LRRC4C: variants seen among roughly 807,000 people sequenced by gnomAD.
LRRC4C encodes the protein leucine-rich repeat-containing protein 4C.
LRRC4C carries 5 observed loss-of-function variants against 33.6 expected under a neutral mutation model. The ratio of observed to expected loss-of-function variants is 0.15; its 90% CI spans 0.08 to 0.31. The LOEUF (loss-of-function observed/expected upper bound fraction) is 0.31, where lower values mean the gene tolerates loss of function less well. Ranked by LOEUF, LRRC4C falls within the 10% of genes least tolerant of loss-of-function variation. LRRC4C has a pLI of 1.00. For missense variants in LRRC4C, 560 were observed against 796.7 expected (o/e 0.70, Z 3.58); for synonymous variants, 329 against 302.0 (o/e 1.09, Z -0.93).
chr11:40,427,474 T>C (rs1223843322), intron 3 of LRRC4C, among the ~76,000 whole-genome samples: 3 of 152,014 alleles, frequency 2.0e-5, no homozygotes, highest in Non-Finnish European at 4.4e-5. Flanking sequence ...ACCATTGCAC[T>C]CTGGCCTGGG....
At chr11:41,214,575 CAAAA>C (rs547167050) in intron 1 of LRRC4C, among the ~76,000 whole-genome samples, 1 of 34,770 alleles carries the variant, frequency 2.9e-5, no homozygotes, top group African/African-American at 1.2e-4. Flanking sequence ...ACTAAAAATA[CAAAA>C]AAAAAAAAAA....
intron 1 of LRRC4C, among the ~76,000 whole-genome samples, chr11:41,449,529 G>A (rs956042225): frequency 6.6e-6 from 1 of 152,056 alleles, no homozygotes; most frequent in African/African-American, 2.4e-5. Context: ...TGTGAGGGGT[G>A]AGTAAAATAG....
At chr11:41,007,793 C>G (rs915943240) in intron 1 of LRRC4C, among the ~76,000 whole-genome samples, 3 of 152,196 alleles carry the variant, frequency 2.0e-5, no homozygotes, top group Admixed American at 2.0e-4. Flanking sequence ...ATTTAGACAT[C>G]TAGTCATAAT....
chr11:41,352,676 T>C (rs567228784), intron 1 of LRRC4C, among the ~76,000 whole-genome samples: 3 of 152,238 alleles, frequency 2.0e-5, no homozygotes, highest in Admixed American at 1.3e-4. Context: ...ATCATACTCT[T>C]GGAAGACAGC....
chr11:41,418,683 C>G (rs1954774196), intron 1 of LRRC4C, among the ~76,000 whole-genome samples: 1 of 151,960 alleles, frequency 6.6e-6, no homozygotes, highest in Non-Finnish European at 1.5e-5. Flanking sequence ...AGCTCTGACA[C>G]AAAATAAATG....
chr11:41,014,557 A>G (rs900246219), intron 1 of LRRC4C, among the ~76,000 whole-genome samples: 2 of 151,188 alleles, frequency 1.3e-5, no homozygotes, highest in Non-Finnish European at 2.9e-5. Context: ...TGTAGAAAAC[A>G]TAGTTGGTTA....
Position 40,490,794 on chromosome 11 carries a change from G to T in LRRC4C, c.-270+157348C>A, listed in dbSNP as rs78705066. ...TAATTTATATTGCATTAACTTCTCA[G>T]GATTATTTTAAAAACCTGGTTTAGG... On this transcript the variant is annotated intron_variant, in intron 3 of 6. Transcript: ENST00000528697. Among the ~76,000 whole-genome samples, 666 of 152,144 alleles carry T rather than the reference G, an allele frequency of 4.4e-3. 20 individuals are homozygous for T. The highest frequency in any genetic ancestry group is 0.031 in the Admixed American group (470 of 15,264).
rs747152583 is a variant in LRRC4C at position 40,987,630 on chromosome 11, G to GATATAT, written c.-495-53913_-495-53908dup. Among the ~76,000 whole-genome samples, 203 of 88,600 alleles carry GATATAT rather than the reference G, an allele frequency of 2.3e-3. 5 individuals are homozygous for GATATAT. The highest frequency in any genetic ancestry group is 6.4e-3 in the African/African-American group (158 of 24,524). The allele number at this position is 88,600 out of a possible 152,430, so 58.1% of individuals were successfully genotyped here. The stretch of plus-strand genomic sequence containing the variant: ...GGCTCTGCAGGTACAAGTGGGTAAT[G>GATATAT]ATATATATATATATATATATATCTC... On this transcript the variant is annotated intron_variant, in intron 1 of 6. Coordinates refer to ENST00000528697, the MANE Select transcript of LRRC4C (RefSeq NM_001258419.2).
intron 2 of LRRC4C, among the ~76,000 whole-genome samples, chr11:40,654,078 G>A (rs1942965494): frequency 6.6e-6 from 1 of 152,188 alleles, no homozygotes; most frequent in Non-Finnish European, 1.5e-5. Flanking sequence ...GAGGATGTAT[G>A]GAAATGCCTG....
At chr11:41,362,521 C>T (rs1237135245) in intron 1 of LRRC4C, among the ~76,000 whole-genome samples, 1 of 151,966 alleles carries the variant, frequency 6.6e-6, no homozygotes, top group Admixed American at 6.6e-5. Context: ...ATCAGTGTTG[C>T]AGAATCATTC....
At chr11:41,361,237 CT>C (rs1406874211) in intron 1 of LRRC4C, among the ~76,000 whole-genome samples, 1 of 152,166 alleles carries the variant, frequency 6.6e-6, no homozygotes, top group African/African-American at 2.4e-5. Flanking sequence ...AACACTTTGG[CT>C]TTACCTTGTC....
rs190468535 is a variant in LRRC4C, at chr11:40,885,745, T to C, written c.-407+47890A>G. ...GAATCATTCTAAAAGAATGCATCTA[T>C]TTAGTCAGAGTACTTATCATTCAAC... is the stretch of plus-strand genomic sequence containing the variant. On this transcript the variant is annotated intron_variant, in intron 2 of 6. Transcript: ENST00000528697. Among the ~76,000 whole-genome samples the C allele has an allele frequency of 1.5e-3, 223 of 152,240 alleles. 2 individuals are homozygous for C. The highest frequency in any genetic ancestry group is 5.3e-3 in the African/African-American group (219 of 41,556).
intron 1 of LRRC4C, among the ~76,000 whole-genome samples, chr11:41,453,011 C>G (rs1367379956): frequency 6.6e-6 from 1 of 151,972 alleles, no homozygotes; most frequent in African/African-American, 2.4e-5. Context: ...CATTATTTTT[C>G]TTAATCTTTT....
At chr11:41,241,465 G>A in intron 1 of LRRC4C, among the ~76,000 whole-genome samples, 1 of 152,068 alleles carries the variant, frequency 6.6e-6, no homozygotes, top group East Asian at 1.9e-4. Context: ...TGAGATTGTA[G>A]GAGGAAGTCA....
intron 1 of LRRC4C, among the ~76,000 whole-genome samples, chr11:41,289,544 G>A (rs569141923): frequency 2.4e-4 from 37 of 152,258 alleles, no homozygotes; most frequent in African/African-American, 8.7e-4. Context: ...AGACATGGCA[G>A]AGAGTTCTCC....
chr11:41,310,435 C>A (rs934509494), intron 1 of LRRC4C, among the ~76,000 whole-genome samples: 1 of 152,150 alleles, frequency 6.6e-6, no homozygotes. Flanking sequence ...GGGTTCCAAA[C>A]CCACCTCCAC....
At chr11:41,205,652 AAAAC>A (rs1946571628) in intron 1 of LRRC4C, among the ~76,000 whole-genome samples, 1 of 152,194 alleles carries the variant, frequency 6.6e-6, no homozygotes, top group Non-Finnish European at 1.5e-5. Context: ...GGCAAAAAGA[AAAAC>A]AAACAAACAA....
chr11:41,039,853 G>A (rs1299795465), intron 1 of LRRC4C, among the ~76,000 whole-genome samples: 1 of 151,936 alleles, frequency 6.6e-6, no homozygotes, highest in Non-Finnish European at 1.5e-5. Flanking sequence ...GTTAAAATAT[G>A]ACTTGAGGCT....
At chr11:41,344,975 G>GT (rs11343488) in intron 1 of LRRC4C, among the ~76,000 whole-genome samples, 15 of 151,344 alleles carry the variant, frequency 9.9e-5, no homozygotes, top group South Asian at 8.4e-4. Context: ...ATTATTAACT[G>GT]TTTTTTTTTC....
Sources: gnomAD v4.1 joint callset for allele counts (sites outside exome capture counted in the v4.1 genomes callset) on GRCh38, gnomAD v4.1.1 for gene constraint, MANE v1.5 for transcripts, NCBI Gene and HGNC (gene_info 2026-07-23, HGNC 2026-07-21) for gene names.